SLC6A17: variants seen among roughly 807,000 people sequenced by gnomAD.
The protein encoded by SLC6A17 is sodium-dependent neutral amino acid transporter SLC6A17.
SLC6A17 carries 21 observed loss-of-function variants against 64.5 expected under a neutral mutation model. The ratio of observed to expected loss-of-function variants is 0.33; its 90% CI spans 0.23 to 0.47. The LOEUF (loss-of-function observed/expected upper bound fraction) is 0.47. SLC6A17 is among the 20% of genes least tolerant of loss of function. The pLI is 1.00. For missense variants in SLC6A17, 682 were observed against 963.2 expected, an observed-to-expected ratio of 0.71 and a Z score of 3.86; for synonymous variants, 372 against 399.5, an observed-to-expected ratio of 0.93 and a Z score of 0.82.
chr1:110,184,655 G>A (rs1315090632), intron 6 of SLC6A17, among the ~76,000 whole-genome samples: 2 of 152,182 alleles, frequency 1.3e-5, no homozygotes, highest in African/African-American at 4.8e-5. Flanking sequence ...TCCCAACTTA[G>A]CATGTTGAGG....
chr1:110,198,228 G>A lies in SLC6A17; in HGVS notation c.1968G>A (p.Lys656=), dbSNP rs1194646372. ...DGSNTLSVSY[K]KGRMMKDISN... Reference sequence around the variant, plus strand: ...CCAACACCCTCTCCGTGTCCTACAAGAAGGGCCGCATGATGAAGGACATCT... The same window carrying A: ...CCAACACCCTCTCCGTGTCCTACAAAAAGGGCCGCATGATGAAGGACATCT... Residue 656 remains lysine, a synonymous_variant, in exon 12 of 12, where the codon AAG becomes AAA. Coordinates refer to ENST00000331565, the MANE Select transcript of SLC6A17 (RefSeq NM_001010898.4). 5 of 1,614,076 alleles carry A rather than the reference G, an allele frequency of 3.1e-6. No individual in the cohort carries two copies. The African/African-American group carries it at 4.0e-5, about 13-fold the overall frequency.
At chr1:110,155,952 C>T (rs796726868) in intron 1 of SLC6A17, among the ~76,000 whole-genome samples, 4 of 152,258 alleles carry the variant, frequency 2.6e-5, no homozygotes, top group African/African-American at 9.6e-5. Context: ...AATAGTCACT[C>T]GATAGGGTGG....
At chr1:110,196,595 T>C (rs762534486) in intron 10 of SLC6A17, among the ~76,000 whole-genome samples, 5 of 152,246 alleles carry the variant, frequency 3.3e-5, no homozygotes, top group Non-Finnish European at 7.3e-5. Flanking sequence ...AGTCTGGTGA[T>C]GTCCCTGTAT....
chr1:110,170,517 C>T (rs974370832), intron 2 of SLC6A17, among the ~76,000 whole-genome samples: 46 of 152,132 alleles, frequency 3.0e-4, no homozygotes, highest in African/African-American at 8.0e-4. Context: ...AGGCTGTCTC[C>T]GTTTGCCTTC....
rs551937791 is a variant in SLC6A17 at position 110,198,690 on chromosome 1, G to A, written c.*246G>A. 129 of 537,672 alleles carry A rather than the reference G, an allele frequency of 2.4e-4. 1 individual carries two copies. The highest frequency in any genetic ancestry group is 1.9e-3 in the African/African-American group (102 of 52,808). 33.3% of individuals were successfully genotyped at this position (537,672 alleles called of 1,614,324 possible). On this transcript the variant is annotated 3_prime_UTR_variant, in exon 12 of 12. Transcript: ENST00000331565. ...CTCATCTAGCCCTCCAAGAGCCTCCGCCAAATTGTAGCCATGTAATTGGAA... is the reference window on the plus strand; with the variant it reads ...CTCATCTAGCCCTCCAAGAGCCTCCACCAAATTGTAGCCATGTAATTGGAA...
At chr1:110,155,062 C>G (rs965909443) in intron 1 of SLC6A17, among the ~76,000 whole-genome samples, 1 of 152,218 alleles carries the variant, frequency 6.6e-6, no homozygotes, top group African/African-American at 2.4e-5. Flanking sequence ...AAATCGCCAT[C>G]CCCAGAACAG....
rs143189177 is a variant in SLC6A17 at position 110,197,507 on chromosome 1, G to T, written c.1723G>T (p.Val575Leu). ...CTTCTATTTCTACATGTGGAAGTTC[G>T]TGTCTCCACTATGCATGGCTGTGCT... ...YRFYFYMWKF[V>L]SPLCMAVLTT... The change falls in exon 11 of 12, where the codon GTG becomes TTG. Residue 575 changes from valine to leucine, a missense_variant. Transcript: ENST00000331565. The T allele has an allele frequency of 1.9e-6, 3 of 1,613,642 alleles. No homozygotes were observed. The highest frequency in any genetic ancestry group is 1.7e-6 in the Non-Finnish European group (2 of 1,179,950).
chr1:110,192,371 C>A lies in SLC6A17; in HGVS notation c.1107-135C>A. The A allele has an allele frequency of 1.4e-6, 2 of 1,441,852 alleles. No homozygotes were observed. Among genetic ancestry groups the A allele is most frequent in the Non-Finnish European group, 1.9e-6 (2 of 1,066,122 alleles). The allele number at this position is 1,441,852 out of a possible 1,614,324, so 89.3% of individuals were successfully genotyped here. A position where few individuals can be genotyped will look rare whatever the true frequency, so the allele number is the denominator to read the frequency against. On this transcript the variant is annotated intron_variant, in intron 7 of 11. Coordinates refer to ENST00000331565, the MANE Select transcript of SLC6A17 (RefSeq NM_001010898.4). The surrounding 1 kb of genome is among the most constrained non-coding windows in gnomAD (Gnocchi z 4.3). ...GCACTCTCTGTCCCCAGCTCCGGGC[C>A]ACAGGGACAAGCTCAGAGATGCCTC...
intron 1 of SLC6A17, among the ~76,000 whole-genome samples, chr1:110,157,595 A>G (rs1402127225): frequency 1.3e-5 from 2 of 152,108 alleles, no homozygotes; most frequent in Non-Finnish European, 2.9e-5. Flanking sequence ...AAATAAAAAT[A>G]AAATAAAATA....
At position 110,194,925 on chromosome 1, in the gene SLC6A17, G is replaced by A. The variant is rs1656921878; in HGVS notation, c.1492+154G>A. ...CTGGAGCCTGGCTGTGCCACTCAGT[G>A]ATTAGCACTCACAAGCCAGGAAGAG... is the stretch of plus-strand genomic sequence containing the variant. On this transcript the variant is annotated intron_variant, in intron 9 of 11. Transcript: ENST00000331565. 3.3e-6 allele frequency: 3 copies of A among 910,024 alleles called. No homozygotes were observed. In the Admixed American group the frequency reaches 6.5e-5, roughly 20 times the overall value. 56.4% of individuals were successfully genotyped at this position (910,024 alleles called of 1,614,324 possible).
chr1:110,174,096 G>A lies in SLC6A17; in HGVS notation c.568G>A (p.Ala190Thr). The A allele has an allele frequency of 6.2e-7, 1 of 1,614,000 alleles. No homozygotes were observed. The highest frequency in any genetic ancestry group is 8.5e-7 in the Non-Finnish European group (1 of 1,179,930). ...ECPVVRNGSVAVVEAECEKSS... is the reference protein window; with the variant it reads ...ECPVVRNGSVTVVEAECEKSS... ...TCCTGTCGTCAGGAATGGGAGCGTG[G>A]CAGGCAAGTATGGGGCCCAGCTGGG... The change falls in exon 4 of 12, where the codon GCA (alanine) becomes ACA (threonine). Residue 190 changes from alanine to threonine, a missense_variant. Transcript: ENST00000331565.
intron 2 of SLC6A17, among the ~76,000 whole-genome samples, chr1:110,170,327 A>G (rs1294863380): frequency 2.0e-5 from 3 of 152,130 alleles, no homozygotes; most frequent in Non-Finnish European, 4.4e-5. Flanking sequence ...TACTAAAAAT[A>G]CAAAAAATTA....
At chr1:110,170,250 C>T (rs934174782) in intron 2 of SLC6A17, among the ~76,000 whole-genome samples, 95 of 152,166 alleles carry the variant, frequency 6.2e-4, no homozygotes, top group African/African-American at 2.1e-3. Context: ...TTTGGGAGGC[C>T]GAGGCGGGCG....
intron 2 of SLC6A17, 37 bp downstream of exon 2, chr1:110,167,252 C>A (rs781678165): frequency 1.9e-6 from 3 of 1,585,484 alleles, no homozygotes; most frequent in Admixed American, 3.5e-5. Flanking sequence ...GGGTCCCCTG[C>A]AAATAGGCCG....
intron 6 of SLC6A17, among the ~76,000 whole-genome samples, chr1:110,178,930 C>T (rs1040465079): frequency 6.6e-5 from 10 of 152,194 alleles, no homozygotes; most frequent in Admixed American, 1.3e-4. Flanking sequence ...TGGGATTTGT[C>T]TTGATCATAC....
chr1:110,194,870 C>A, intron 9 of SLC6A17, 99 bp downstream of exon 9: 1 of 1,428,618 alleles, frequency 7.0e-7, no homozygotes, highest in Non-Finnish European at 9.6e-7. Flanking sequence ...ACCCCACACC[C>A]AGAAGGCTCC....
At chr1:110,153,896 A>C (rs571444046) in intron 1 of SLC6A17, among the ~76,000 whole-genome samples, 1 of 152,106 alleles carries the variant, frequency 6.6e-6, no homozygotes, top group East Asian at 1.9e-4. Flanking sequence ...GGGGAAAAAA[A>C]ACCTGTCACC....
intron 11 of SLC6A17, 45 bp downstream of exon 11, chr1:110,197,644 A>C (rs772713315): frequency 1.3e-6 from 2 of 1,537,808 alleles, no homozygotes; most frequent in Admixed American, 4.0e-5. Flanking sequence ...GCATCTTCTC[A>C]GGCCTTGAAT....
intron 10 of SLC6A17, among the ~76,000 whole-genome samples, chr1:110,196,716 T>A (rs1290991176): frequency 1.3e-5 from 2 of 152,206 alleles, no homozygotes; most frequent in Non-Finnish European, 2.9e-5. Flanking sequence ...TATGAGCACT[T>A]TATTTTTAAT....
Sources: allele counts gnomAD v4.1 joint callset (sites outside exome capture counted in the v4.1 genomes callset), GRCh38; gene constraint gnomAD v4.1.1; non-coding constraint Gnocchi (gnomAD v3.1); transcripts MANE v1.5; gene names NCBI Gene and HGNC (gene_info 2026-07-23, HGNC 2026-07-21).